DMD: variants seen among roughly 807,000 people sequenced by gnomAD.
DMD encodes the protein mutant dystrophin.
Under a neutral mutation model 330.1 loss-of-function variants are expected in DMD, and 63 were observed. The observed-to-expected ratio is 0.19, with a 90% confidence interval of 0.16 to 0.24. The LOEUF is 0.24. Ranked by LOEUF, DMD falls within the 10% of genes least tolerant of loss-of-function variation. The pLI, the probability that DMD is intolerant of heterozygous loss-of-function variation, is 1.00. For synonymous variants in DMD, 1,223 were observed against 959.8 expected, an observed-to-expected ratio of 1.27 and a Z score of -5.07; for missense variants, 3,344 against 2,684.1, an observed-to-expected ratio of 1.25 and a Z score of -5.43.
At chrX:32,723,224 G>A (rs764774842) in intron 7 of DMD, among the ~76,000 whole-genome samples, 1 of 111,460 alleles carries the variant, frequency 9.0e-6, no homozygotes, top group East Asian at 2.8e-4. Context: ...AATGTAGTAT[G>A]TCGCATTGAT....
chrX:32,835,928 G>C (rs924473707), intron 4 of DMD, among the ~76,000 whole-genome samples: 7 of 109,724 alleles, frequency 6.4e-5, no homozygotes, highest in Admixed American at 3.9e-4. Flanking sequence ...TTTAAACCAG[G>C]GTTTCTTTTC....
intron 1 of DMD, among the ~76,000 whole-genome samples, chrX:33,245,945 CTT>C (rs1380391375): frequency 9.0e-6 from 1 of 111,635 alleles, no homozygotes; most frequent in African/African-American, 3.3e-5. Flanking sequence ...ACTGTAGACT[CTT>C]TAATTTCAGG....
intron 11 of DMD, among the ~76,000 whole-genome samples, chrX:32,624,687 A>G (rs1199481783): frequency 3.6e-5 from 4 of 111,593 alleles, no homozygotes. Context: ...ATCACATTTT[A>G]AGGAGCAATG....
In DMD at chrX:31,284,856, A is replaced by C. The variant is rs765471323; in HGVS notation, c.9225-23840T>G. Among the ~76,000 whole-genome samples the C allele has an allele frequency of 1.5e-4, 16 of 107,002 alleles. No homozygotes were observed. In the East Asian group the frequency reaches 4.6e-3, roughly 31 times the overall value. 92.9% of individuals were successfully genotyped at this position (107,002 alleles called of 115,157 possible). The stretch of plus-strand genomic sequence containing the variant: ...CACACACACACACACACACACACAC[A>C]CACACACCCACACCCACACACGCAA... On this transcript the variant is annotated intron_variant, in intron 62 of 78. Transcript: ENST00000357033.
rs185764222 is a variant in DMD, at chrX:32,324,904, A to G, written c.5923-14628T>C. Among the ~76,000 whole-genome samples the G allele has an allele frequency of 1.3e-4, 14 of 111,701 alleles. No individual in the cohort carries two copies. In the East Asian group the frequency reaches 3.7e-3, roughly 29 times the overall value. On this transcript the variant is annotated intron_variant, in intron 41 of 78. Transcript: ENST00000357033. The stretch of plus-strand genomic sequence containing the variant: ...ACTTTTAAAAGCATCAAAAAGAAAG[A>G]TTTGATAGGCCACCTTTTCTAATCA...
At position 31,916,861 on chromosome X, in the gene DMD, C is replaced by T. The variant is rs534010372; in HGVS notation, c.6912+12735G>A. Among the ~76,000 whole-genome samples, 39 of 112,441 alleles carry T rather than the reference C, an allele frequency of 3.5e-4. No individual in the cohort carries two copies. In the South Asian group the frequency reaches 0.012, roughly 36 times the overall value. The stretch of plus-strand genomic sequence containing the variant: ...TATACTTGGGTTATGAACCCCACAA[C>T]GATCTATGTTTCAAAGGTATAAATC... On this transcript the variant is annotated intron_variant, in intron 47 of 78. Transcript: ENST00000357033.
chrX:31,290,096 T>A (rs1370275619), intron 62 of DMD, among the ~76,000 whole-genome samples: 2 of 109,210 alleles, frequency 1.8e-5, no homozygotes. Flanking sequence ...GATTTTTATA[T>A]TTTTAGTAGA....
chrX:31,241,604 A>G (rs1334309819), intron 63 of DMD, among the ~76,000 whole-genome samples: 1 of 111,736 alleles, frequency 8.9e-6, no homozygotes. Flanking sequence ...TTTTGAAGAC[A>G]TATAACTCCC....
chrX:31,918,265 T>C (rs993904829), intron 47 of DMD, among the ~76,000 whole-genome samples: 11 of 112,275 alleles, frequency 9.8e-5, no homozygotes, highest in African/African-American at 3.2e-4. Flanking sequence ...ACATGCTTCA[T>C]AATGCATCAC....
intron 2 of DMD, among the ~76,000 whole-genome samples, chrX:32,872,585 A>G (rs1286516799): frequency 1.8e-5 from 2 of 112,494 alleles, no homozygotes; most frequent in Non-Finnish European, 3.7e-5. Context: ...GTCAACTGAA[A>G]AAGAATTTTA....
chrX:32,552,934 C>T (rs1444842877), intron 16 of DMD, among the ~76,000 whole-genome samples: 3 of 111,445 alleles, frequency 2.7e-5, no homozygotes, highest in Non-Finnish European at 5.7e-5. Context: ...GGCAAGGTTG[C>T]ACAGAAAAGG....
intron 13 of DMD, among the ~76,000 whole-genome samples, chrX:32,589,878 C>G (rs1278651980): frequency 1.8e-5 from 2 of 111,366 alleles, no homozygotes. Flanking sequence ...AAATGGCTTC[C>G]TTCCCCAGAA....
chrX:33,294,692 A>C (rs2053560499), intron 1 of DMD, among the ~76,000 whole-genome samples: 1 of 109,675 alleles, frequency 9.1e-6, no homozygotes, highest in Admixed American at 9.9e-5. Flanking sequence ...TATAGCAAAT[A>C]CTCTTCTAGT....
chrX:32,609,966 C>A (rs2057033636), intron 12 of DMD, among the ~76,000 whole-genome samples: 1 of 110,965 alleles, frequency 9.0e-6, no homozygotes, highest in Non-Finnish European at 1.9e-5. Context: ...AAAGATTTCA[C>A]TGTTAAATAT....
chrX:31,201,804 C>G (rs899883341), intron 67 of DMD, among the ~76,000 whole-genome samples: 12 of 112,152 alleles, frequency 1.1e-4, no homozygotes, highest in African/African-American at 3.9e-4. Context: ...ATCACTGAGC[C>G]TTACCTTTAA....
At chrX:32,310,366 T>G (rs2097557555) in intron 41 of DMD, 90 bp from the exon 42 acceptor site, 3 of 743,785 alleles carry the variant, frequency 4.0e-6, no homozygotes, top group Non-Finnish European at 6.1e-6. Flanking sequence ...ATTCTACAGC[T>G]GACAATTGAA....
At position 32,865,762 on chromosome X, in the gene DMD, T is replaced by C. The variant is rs150440032; in HGVS notation, c.94-15942A>G. Among the ~76,000 whole-genome samples the C allele has an allele frequency of 9.4e-3, 1,062 of 112,676 alleles. 14 individuals carry two copies. Among genetic ancestry groups the C allele is most frequent in the African/African-American group, 0.032 (994 of 31,030 alleles). On this transcript the variant is annotated intron_variant, in intron 2 of 78. Coordinates refer to ENST00000357033, the MANE Select transcript of DMD (RefSeq NM_004006.3). Reference sequence around the variant, plus strand: ...CATAGTATTGTTTAGGAAAAACCAATATTGGCACTGTTTACCAATTATTTG... The same window carrying C: ...CATAGTATTGTTTAGGAAAAACCAACATTGGCACTGTTTACCAATTATTTG...
At chrX:32,175,120 T>C (rs2096901603) in intron 44 of DMD, among the ~76,000 whole-genome samples, 1 of 111,684 alleles carries the variant, frequency 9.0e-6, no homozygotes, top group Non-Finnish European at 1.9e-5. Flanking sequence ...TTGGCAAATG[T>C]AAGTTTTGAT....
At chrX:32,054,086 T>TGAGAGA (rs1198596173) in intron 44 of DMD, among the ~76,000 whole-genome samples, 7 of 79,011 alleles carry the variant, frequency 8.9e-5, no homozygotes, top group South Asian at 1.4e-3. Flanking sequence ...TGTGTGTGTG[T>TGAGAGA]GTGAGAGAGA....
Sources: gnomAD v4.1 joint callset for allele counts (sites outside exome capture counted in the v4.1 genomes callset) on GRCh38, gnomAD v4.1.1 for gene constraint, MANE v1.5 for transcripts, NCBI Gene and HGNC (gene_info 2026-07-23, HGNC 2026-07-21) for gene names.